The following TMEM132D variants were observed in gnomAD, a reference collection of about 807,000 sequenced individuals.
TMEM132D encodes mature OL transmembrane protein.
TMEM132D carries 21 observed loss-of-function variants against 62.3 expected under a neutral mutation model. The observed-to-expected ratio is 0.34, with a 90% CI of 0.24 to 0.49. TMEM132D has a LOEUF of 0.49. Among genes scored for constraint, TMEM132D ranks in the 20% least tolerant of loss-of-function variants. TMEM132D has a pLI of 0.99. For synonymous variants in TMEM132D, 621 were observed against 575.6 expected, an observed-to-expected ratio of 1.08 and a Z score of -1.13; for missense variants, 1,346 against 1,402.8, an observed-to-expected ratio of 0.96 and a Z score of 0.65.
intron 2 of TMEM132D, among the ~76,000 whole-genome samples, chr12:129,633,173 C>A (rs1466778808): frequency 6.6e-6 from 1 of 152,218 alleles, no homozygotes; most frequent in African/African-American, 2.4e-5. Flanking sequence ...AGACAAACAT[C>A]TTCCCCCTGG....
chr12:129,208,448 C>T (rs145190998), intron 5 of TMEM132D, among the ~76,000 whole-genome samples: 73 of 152,290 alleles, frequency 4.8e-4, no homozygotes, highest in Middle Eastern at 3.4e-3. Context: ...CTCTCTGAAA[C>T]CCATAAGGAT....
At chr12:129,462,927 G>A (rs562611273) in intron 3 of TMEM132D, among the ~76,000 whole-genome samples, 2 of 152,200 alleles carry the variant, frequency 1.3e-5, no homozygotes, top group South Asian at 4.2e-4. Context: ...AGAGAGGTAG[G>A]TTCTTTTGCC....
At chr12:129,615,104 G>A (rs1031515773) in intron 2 of TMEM132D, among the ~76,000 whole-genome samples, 2 of 152,122 alleles carry the variant, frequency 1.3e-5, no homozygotes, top group Non-Finnish European at 2.9e-5. Flanking sequence ...CGTGAGATTG[G>A]ACACTGCTAT....
At chr12:129,296,511 A>C (rs1194968267) in intron 4 of TMEM132D, among the ~76,000 whole-genome samples, 1 of 152,228 alleles carries the variant, frequency 6.6e-6, no homozygotes, top group African/African-American at 2.4e-5. Context: ...CCTGATCAGC[A>C]GACAAGTGTC....
chr12:129,190,956 GTGT>G (rs1878381160), intron 5 of TMEM132D, among the ~76,000 whole-genome samples: 1 of 152,052 alleles, frequency 6.6e-6, no homozygotes, highest in African/African-American at 2.4e-5. Context: ...CGCACAAAAG[GTGT>G]AGTCTCAGGT....
chr12:129,594,685 ACTGG>A (rs1878285427), intron 2 of TMEM132D, among the ~76,000 whole-genome samples: 1 of 152,186 alleles, frequency 6.6e-6, no homozygotes, highest in African/African-American at 2.4e-5. Flanking sequence ...CTCTCTCAGT[ACTGG>A]GCACTTTGCC....
intron 7 of TMEM132D, 35 bp downstream of exon 7, chr12:129,081,724 G>A (rs1299525375): frequency 1.9e-6 from 3 of 1,540,722 alleles, no homozygotes; most frequent in Non-Finnish European, 2.6e-6. Context: ...AAGACAGAGA[G>A]ATCTTGATTT....
intron 4 of TMEM132D, among the ~76,000 whole-genome samples, chr12:129,211,747 T>C (rs1048854250): frequency 2.0e-5 from 3 of 152,224 alleles, no homozygotes; most frequent in Non-Finnish European, 4.4e-5. Context: ...GGAATATGCA[T>C]AGGCCTTCAA....
rs147370173 is a variant in TMEM132D at position 129,256,507 on chromosome 12, G to A, written c.1300-46844C>T. ...ACAATCTCGGCTCATGGCAACCTCC[G>A]CCTCCCAGCATTCAAGTGATTCTCC... On this transcript the variant is annotated intron_variant, in intron 4 of 8. Transcript: ENST00000422113. Among the ~76,000 whole-genome samples the A allele has an allele frequency of 8.5e-5, 13 of 152,078 alleles. No homozygotes were observed. In the East Asian group the frequency reaches 1.7e-3, roughly 20 times the overall value.
chr12:129,408,412 T>G (rs1871860469), intron 3 of TMEM132D, among the ~76,000 whole-genome samples: 1 of 151,748 alleles, frequency 6.6e-6, no homozygotes, highest in Non-Finnish European at 1.5e-5. Flanking sequence ...GATTACTTTG[T>G]GGTGAGTCAA....
chr12:129,297,152 A>C (rs1881599102), intron 4 of TMEM132D, among the ~76,000 whole-genome samples: 1 of 152,218 alleles, frequency 6.6e-6, no homozygotes, highest in Non-Finnish European at 1.5e-5. Flanking sequence ...GAAAGTCCTC[A>C]GAGTCAATGT....
At chr12:129,873,058 A>G (rs1359693049) in intron 1 of TMEM132D, among the ~76,000 whole-genome samples, 4 of 152,182 alleles carry the variant, frequency 2.6e-5, no homozygotes, top group Non-Finnish European at 4.4e-5. Context: ...TGAGCAAGTC[A>G]CGCGCCTGGA....
At chr12:129,897,484 A>G (rs909662558) in intron 1 of TMEM132D, among the ~76,000 whole-genome samples, 2 of 152,098 alleles carry the variant, frequency 1.3e-5, no homozygotes, top group Non-Finnish European at 2.9e-5. Flanking sequence ...AGATGAATAA[A>G]CAGGTCCTGA....
intron 3 of TMEM132D, among the ~76,000 whole-genome samples, chr12:129,514,571 A>G (rs906458570): frequency 6.6e-6 from 1 of 152,174 alleles, no homozygotes; most frequent in Non-Finnish European, 1.5e-5. Context: ...GAAATGATTT[A>G]TCTGTGCATG....
chr12:129,356,941 G>GAGGGGAGGA (rs1870080417), intron 3 of TMEM132D, among the ~76,000 whole-genome samples: 1 of 118,858 alleles, frequency 8.4e-6, no homozygotes, highest in Non-Finnish European at 1.7e-5. Context: ...AGAGGGGAGG[G>GAGGGGAGGA]GAGGGGAGGG....
At chr12:129,268,284 A>G (rs1208609399) in intron 4 of TMEM132D, among the ~76,000 whole-genome samples, 1 of 152,216 alleles carries the variant, frequency 6.6e-6, no homozygotes, top group Non-Finnish European at 1.5e-5. Flanking sequence ...CAACCTACTC[A>G]TCTGACAAAG....
intron 1 of TMEM132D, among the ~76,000 whole-genome samples, chr12:129,708,140 C>A (rs7961316): frequency 0.28 from 42,065 of 152,000 alleles, 6,991 homozygotes; most frequent in Non-Finnish European, 0.38. Context: ...TGGCTTGAAC[C>A]CAGGAGGCAG....
chr12:129,336,513 A>G (rs74465201), intron 4 of TMEM132D, among the ~76,000 whole-genome samples: 4,156 of 152,056 alleles, frequency 0.027, 205 homozygotes, highest in African/African-American at 0.095. Context: ...CAAAGGTTGC[A>G]GTGAGCCAAG....
intron 5 of TMEM132D, among the ~76,000 whole-genome samples, chr12:129,187,627 T>C (rs1264217891): frequency 6.6e-6 from 1 of 152,258 alleles, no homozygotes; most frequent in Non-Finnish European, 1.5e-5. Flanking sequence ...GTCTTCTTTG[T>C]ACTGCTGCAT....
Sources: gnomAD v4.1 joint callset for allele counts (sites outside exome capture counted in the v4.1 genomes callset) on GRCh38, gnomAD v4.1.1 for gene constraint, MANE v1.5 for transcripts, NCBI Gene and HGNC (gene_info 2026-07-23, HGNC 2026-07-21) for gene names.